ANXA8: variants seen among roughly 807,000 people sequenced by gnomAD.
ANXA8 encodes the protein annexin A8, also known as VAC-beta.
A neutral mutation model predicts 26.8 loss-of-function variants in ANXA8; 9 were observed. That is an observed-to-expected ratio of 0.34 (90% CI 0.20 to 0.59). The LOEUF is 0.59. Among genes scored for constraint, ANXA8 ranks in the 20% least tolerant of loss-of-function variants. The pLI, the probability that ANXA8 is intolerant of heterozygous loss-of-function variation, is 0.84. For missense variants in ANXA8, 83 were observed against 238.5 expected (o/e 0.35, Z 4.29); for synonymous variants, 39 against 94.8 (o/e 0.41, Z 3.42).
chr10:47,738,765 T>TG, the ANXA8 span, among the ~76,000 whole-genome samples: 2 of 151,980 alleles, frequency 1.3e-5, no homozygotes, highest in South Asian at 4.1e-4. Flanking sequence ...TTTGTAGAGA[T>TG]GGAGTTTTGC....
At chr10:47,651,379 G>A in the ANXA8 span, among the ~76,000 whole-genome samples, 3 of 151,606 alleles carry the variant, frequency 2.0e-5, no homozygotes, top group African/African-American at 7.3e-5. Flanking sequence ...TTATAGAGAT[G>A]TAAAATGATA....
At chr10:47,643,533 A>G in the ANXA8 span, among the ~76,000 whole-genome samples, 1 of 108,234 alleles carries the variant, frequency 9.2e-6, no homozygotes. Context: ...CATAAAAATC[A>G]ATCAATCAAT....
At chr10:47,645,153 GA>G in the ANXA8 span, among the ~76,000 whole-genome samples, 1 of 150,832 alleles carries the variant, frequency 6.6e-6, no homozygotes, top group African/African-American at 2.5e-5. Context: ...ATTAACACTA[GA>G]TTTAGAGTAT....
the ANXA8 span, among the ~76,000 whole-genome samples, chr10:47,747,942 T>A: frequency 6.6e-6 from 1 of 151,776 alleles, no homozygotes; most frequent in Non-Finnish European, 1.5e-5. Flanking sequence ...GAACATTCTT[T>A]GAACTGTAAT....
chr10:47,699,271 C>T, the ANXA8 span, among the ~76,000 whole-genome samples: 2 of 137,450 alleles, frequency 1.5e-5, no homozygotes, highest in African/African-American at 2.8e-5. Context: ...TTGCCTGAAC[C>T]TAGGAGGTGG....
the ANXA8 span, among the ~76,000 whole-genome samples, chr10:47,736,680 A>G: frequency 6.7e-6 from 1 of 149,364 alleles, no homozygotes; most frequent in African/African-American, 2.5e-5. Context: ...TTTGAGACAC[A>G]GTTTCACTCT....
At chr10:47,644,376 T>C in the ANXA8 span, among the ~76,000 whole-genome samples, 1 of 151,764 alleles carries the variant, frequency 6.6e-6, no homozygotes, top group African/African-American at 2.4e-5. Flanking sequence ...TTAGGTTTTG[T>C]GGGCCATATA....
chr10:47,979,946 G>T, the ANXA8 span, among the ~76,000 whole-genome samples: 1 of 151,960 alleles, frequency 6.6e-6, no homozygotes, highest in African/African-American at 2.4e-5. Context: ...AGAACCACAA[G>T]ATAATAAATT....
At chr10:47,555,451 C>A in the ANXA8 span, among the ~76,000 whole-genome samples, 1 of 151,702 alleles carries the variant, frequency 6.6e-6, no homozygotes, top group South Asian at 2.1e-4. Context: ...TGCCTGGTTA[C>A]TCCACTTCCC....
chr10:47,574,109 CTTTT>C, the ANXA8 span, among the ~76,000 whole-genome samples: 64 of 25,416 alleles, frequency 2.5e-3, 2 homozygotes, highest in African/African-American at 9.1e-3. Flanking sequence ...AGTTTAACCT[CTTTT>C]TTTTTTTTTT....
the ANXA8 span, among the ~76,000 whole-genome samples, chr10:47,620,220 G>A: frequency 1.9e-5 from 2 of 106,182 alleles, 1 homozygote; most frequent in Non-Finnish European, 4.1e-5. Flanking sequence ...CTTTGATCTT[G>A]AGCCTTGACT....
the ANXA8 span, chr10:47,986,198 C>A: frequency 1.5e-4 from 22 of 151,002 alleles, no homozygotes; most frequent in African/African-American, 4.9e-4. Context: ...TGTTTGCGTT[C>A]TTTTCCTTAC....
the ANXA8 span, among the ~76,000 whole-genome samples, chr10:47,645,453 T>G: frequency 1.3e-5 from 2 of 148,210 alleles, no homozygotes; most frequent in Non-Finnish European, 3.0e-5. Context: ...ATATGGCTAC[T>G]GCAATTCTCT....
At chr10:47,935,876 C>T in the ANXA8 span, among the ~76,000 whole-genome samples, 7 of 125,816 alleles carry the variant, frequency 5.6e-5, no homozygotes, top group African/African-American at 1.6e-4. Context: ...TGATGCCAGA[C>T]TCCATGGTTC....
chr10:47,534,652 ATT>A, the ANXA8 span, among the ~76,000 whole-genome samples: 59 of 100,204 alleles, frequency 5.9e-4, 1 homozygote, highest in African/African-American at 1.0e-3. Context: ...CCCAGTTATA[ATT>A]TTTTTTTTTT....
At chr10:47,977,603 A>T in the ANXA8 span, among the ~76,000 whole-genome samples, 4 of 151,788 alleles carry the variant, frequency 2.6e-5, no homozygotes, top group South Asian at 8.3e-4. Context: ...CAAATACAGC[A>T]TATCAATAAA....
chr10:47,615,250 T>A, the ANXA8 span, among the ~76,000 whole-genome samples: 2 of 74,238 alleles, frequency 2.7e-5, 1 homozygote, highest in African/African-American at 7.8e-5. Context: ...CTACAATTCC[T>A]CAGCATTCCT....
chr10:47,881,936 T>TTG, the ANXA8 span, among the ~76,000 whole-genome samples: 2 of 152,286 alleles, frequency 1.3e-5, no homozygotes, highest in Non-Finnish European at 2.9e-5. Flanking sequence ...TGCAGGGTGT[T>TTG]TGTGTGTGTA....
the ANXA8 span, among the ~76,000 whole-genome samples, chr10:47,705,716 G>T: frequency 9.5e-4 from 144 of 152,014 alleles, 1 homozygote; most frequent in Admixed American, 9.4e-3. Context: ...TTACAAGTTA[G>T]TAGCTAAATA....
Sources: gnomAD v4.1 joint callset for allele counts (sites outside exome capture counted in the v4.1 genomes callset) on GRCh38, gnomAD v4.1.1 for gene constraint, MANE v1.5 for transcripts, NCBI Gene and HGNC (gene_info 2026-07-23, HGNC 2026-07-21) for gene names.